The following UQCRC2 variants were observed in gnomAD, a reference collection of about 807,000 sequenced individuals.
UQCRC2 encodes cytochrome b-c1 complex subunit 2, mitochondrial.
A neutral mutation model predicts 55.6 loss-of-function variants in UQCRC2; 49 were observed. The observed-to-expected ratio is 0.88, with a 90% CI of 0.70 to 1.12. UQCRC2 has a LOEUF of 1.12. Ranked by LOEUF, UQCRC2 falls within the 50% of genes most tolerant of loss-of-function variation. UQCRC2 has a pLI of 0.00. For missense variants in UQCRC2, 506 were observed against 547.8 expected (o/e 0.92, Z 0.76); for synonymous variants, 193 against 192.0 (o/e 1.01, Z -0.04).
rs780718322 is a variant in UQCRC2 at position 21,972,049 on chromosome 16, A to G, written c.893A>G (p.His298Arg). Residue 298 changes from histidine to arginine, a missense_variant, in exon 10 of 14, where the codon CAT becomes CGT. Physicochemically the swap from His to Arg is conservative, Grantham distance 29 (BLOSUM62 0). Transcript: ENST00000268379. The stretch of plus-strand genomic sequence containing the variant: ...CAGCATGTCCTCGGTGCTGGGCCAC[A>G]TGTCAAGAGGGGCAGCAACACCACC... ...VLQHVLGAGP[H>R]VKRGSNTTSH... 3 of 1,614,170 alleles carry G rather than the reference A, an allele frequency of 1.9e-6. No homozygotes were observed. Among genetic ancestry groups the G allele is most frequent in the Non-Finnish European group, 2.5e-6 (3 of 1,180,018 alleles).
intron 12 of UQCRC2, among the ~76,000 whole-genome samples, chr16:21,977,489 C>G (rs1018895129): frequency 1.3e-5 from 2 of 152,076 alleles, no homozygotes; most frequent in Non-Finnish European, 2.9e-5. Context: ...CAAAAAAGAT[C>G]TGATTTTGTT....
chr16:21,972,126 A>G lies in UQCRC2; in HGVS notation c.966+4A>G, dbSNP rs1898478568. 1 of 1,611,350 alleles carries G rather than the reference A, an allele frequency of 6.2e-7. No individual in the cohort carries two copies. The highest frequency in any genetic ancestry group is 8.5e-7 in the Non-Finnish European group (1 of 1,178,596). On this transcript the variant is annotated splice_donor_region_variant and intron_variant, in intron 10 of 13. Transcript: ENST00000268379. ...GGCAACTCAGCAGCCATTTGATGTG[A>G]GTCTGAACAGTTGGTATCTCTCTTT...
At chr16:21,969,792 C>A (rs7200959) in intron 8 of UQCRC2, among the ~76,000 whole-genome samples, 102,705 of 151,796 alleles carry the variant, frequency 0.68, 36,546 homozygotes, top group Non-Finnish European at 0.8. Flanking sequence ...ATCATCCCCC[C>A]AAAAGCCCCA....
At chr16:21,961,365 A>C (rs773592207) in intron 4 of UQCRC2, 1 of 444,376 alleles carries the variant, frequency 2.3e-6, no homozygotes, top group Non-Finnish European at 4.5e-6. Context: ...TGATGAGACC[A>C]CTATACAGCC....
intron 8 of UQCRC2, among the ~76,000 whole-genome samples, chr16:21,971,087 T>G (rs992349742): frequency 1.3e-5 from 2 of 152,196 alleles, no homozygotes; most frequent in South Asian, 2.1e-4. Flanking sequence ...AATGTTGTTT[T>G]AAGAGCTAAC....
intron 11 of UQCRC2, among the ~76,000 whole-genome samples, chr16:21,975,783 A>T (rs1898568811): frequency 6.6e-6 from 1 of 152,108 alleles, no homozygotes; most frequent in African/African-American, 2.4e-5. Context: ...CTTATTCTTT[A>T]TGGGTGATTA....
intron 4 of UQCRC2, among the ~76,000 whole-genome samples, chr16:21,961,651 TA>T (rs1487270281): frequency 2.8e-5 from 3 of 105,326 alleles, no homozygotes; most frequent in Middle Eastern, 4.2e-3. Context: ...TATATATATA[TA>T]TATATATATA....
intron 7 of UQCRC2, among the ~76,000 whole-genome samples, chr16:21,968,063 A>G (rs1287352173): frequency 1.4e-5 from 2 of 145,706 alleles, no homozygotes; most frequent in Non-Finnish European, 1.5e-5. Flanking sequence ...GTGCAATGAC[A>G]CGATCTCAGC....
intron 10 of UQCRC2, among the ~76,000 whole-genome samples, chr16:21,972,951 TTGTC>T (rs1475372710): frequency 6.6e-6 from 1 of 151,930 alleles, no homozygotes; most frequent in African/African-American, 2.4e-5. Flanking sequence ...AATACAAAAA[TTGTC>T]TGGGCGTGGT....
At chr16:21,957,172 A>G (rs1859587558) in intron 1 of UQCRC2, 63 bp from the exon 2 acceptor site, 1 of 1,524,822 alleles carries the variant, frequency 6.6e-7, no homozygotes, top group Non-Finnish European at 9.0e-7. Flanking sequence ...CTAAGATACC[A>G]TGCTTTTATA....
chr16:21,972,050 T>C lies in UQCRC2; in HGVS notation c.894T>C (p.His298=). The C allele has an allele frequency of 6.2e-7, 1 of 1,614,148 alleles. No individual in the cohort carries two copies. The highest frequency in any genetic ancestry group is 8.5e-7 in the Non-Finnish European group (1 of 1,180,014). Residue 298 remains histidine, a synonymous_variant, in exon 10 of 14, where the codon CAT becomes CAC. Transcript: ENST00000268379. ...VLQHVLGAGP[H]VKRGSNTTSH... is the part of the protein sequence containing the mutation. ...AGCATGTCCTCGGTGCTGGGCCACA[T>C]GTCAAGAGGGGCAGCAACACCACCA...
chr16:21,958,203 A>G (rs1898123275), intron 3 of UQCRC2, among the ~76,000 whole-genome samples: 1 of 152,220 alleles, frequency 6.6e-6, no homozygotes, highest in Admixed American at 6.5e-5. Context: ...ATGTTAGAGC[A>G]TAAGAAATCA....
chr16:21,965,537 GT>G, intron 7 of UQCRC2, 32 bp downstream of exon 7: 1 of 1,476,894 alleles, frequency 6.8e-7, no homozygotes. Flanking sequence ...AAATGTGCTT[GT>G]TTTTCACATT....
At chr16:21,953,880 A>G (rs749009750) in intron 1 of UQCRC2, among the ~76,000 whole-genome samples, 11 of 152,186 alleles carry the variant, frequency 7.2e-5, no homozygotes, top group Admixed American at 2.0e-4. Context: ...ATAAAAGTAT[A>G]AGAAAGGAGC....
chr16:21,964,605 G>T (rs912545836), intron 6 of UQCRC2, among the ~76,000 whole-genome samples: 1 of 152,068 alleles, frequency 6.6e-6, no homozygotes, highest in Non-Finnish European at 1.5e-5. Context: ...CTAAAATGCT[G>T]TTCCCAAATG....
intron 9 of UQCRC2, 32 bp from the exon 10 acceptor site, chr16:21,971,891 T>C: frequency 6.2e-7 from 1 of 1,611,450 alleles, no homozygotes. Flanking sequence ...CAAGCCATTT[T>C]CTTCTTCCCT....
chr16:21,982,965 A>G, intron 13 of UQCRC2, 123 bp from the exon 14 acceptor site: 1 of 285,868 alleles, frequency 3.5e-6, no homozygotes. Flanking sequence ...CTCCACCTCA[A>G]AAAAAAAAAA....
Position 21,972,072 on chromosome 16 carries a change from A to G in UQCRC2, c.916A>G (p.Thr306Ala), listed in dbSNP as rs777345989. ...GPHVKRGSNTTSHLHQAVAKA... is the reference protein window; with the variant it reads ...GPHVKRGSNTASHLHQAVAKA... ...ACATGTCAAGAGGGGCAGCAACACC[A>G]CCAGCCATCTGCACCAGGCTGTTGC... is the stretch of plus-strand genomic sequence containing the variant. The change falls in exon 10 of 14, where the codon ACC becomes GCC. Residue 306 changes from threonine to alanine, a missense_variant. By Grantham distance (58) the Thr-to-Ala change is moderately conservative. Transcript: ENST00000268379. The G allele has an allele frequency of 7.4e-6, 12 of 1,613,932 alleles. No homozygotes were observed. The highest frequency in any genetic ancestry group is 4.0e-5 in the African/African-American group (3 of 74,922).
chr16:21,980,683 A>T lies in UQCRC2; in HGVS notation c.1261A>T (p.Asn421Tyr), dbSNP rs770710832. 1.1e-5 allele frequency: 18 copies of T among 1,613,532 alleles called. No individual in the cohort carries two copies. The highest frequency in any genetic ancestry group is 5.3e-5 in the African/African-American group (4 of 74,900). Residue 421 changes from asparagine (N) to tyrosine (Y), a missense_variant, in exon 13 of 14, where the codon AAT becomes TAT. Transcript: ENST00000268379. Reference sequence around the variant, plus strand: ...CCTTCAGCAGATTGATTCAGTGGCTAATGCTGATATCATAAATGTAAGTAA... The same window carrying T: ...CCTTCAGCAGATTGATTCAGTGGCTTATGCTGATATCATAAATGTAAGTAA... ...TVLQQIDSVA[N>Y]ADIINAAKKF...
Sources: allele counts gnomAD v4.1 joint callset (sites outside exome capture counted in the v4.1 genomes callset), GRCh38; gene constraint gnomAD v4.1.1; transcripts MANE v1.5; gene names NCBI Gene and HGNC (gene_info 2026-07-23, HGNC 2026-07-21).